The following ZNF333 variants were observed in gnomAD, a reference collection of about 807,000 sequenced individuals.
The protein encoded by ZNF333 is zinc finger protein 333.
A neutral mutation model predicts 76.1 loss-of-function variants in ZNF333; 61 were observed. The ratio of observed to expected loss-of-function variants is 0.80; its 90% CI spans 0.65 to 0.99. ZNF333 has a LOEUF of 0.99. Among genes scored for constraint, ZNF333 ranks in the 50% least tolerant of loss-of-function variants. The pLI, the probability that ZNF333 is intolerant of heterozygous loss-of-function variation, is 0.00. For synonymous variants in ZNF333, 284 were observed against 305.0 expected (o/e 0.93, Z 0.72); for missense variants, 717 against 822.4 (o/e 0.87, Z 1.57).
At chr19:14,702,891 G>C (rs2041998625) in intron 5 of ZNF333, among the ~76,000 whole-genome samples, 1 of 152,078 alleles carries the variant, frequency 6.6e-6, no homozygotes, top group Non-Finnish European at 1.5e-5. Flanking sequence ...AAACAAAAGG[G>C]GGAAAAACCC....
At chr19:14,693,707 A>G (rs963726165) in intron 2 of ZNF333, among the ~76,000 whole-genome samples, 2 of 152,196 alleles carry the variant, frequency 1.3e-5, no homozygotes, top group African/African-American at 4.8e-5. Flanking sequence ...GTCCCACAGC[A>G]GACCCTGGGG....
rs1348946424 is a variant in ZNF333 at position 14,718,269 on chromosome 19, A to G, written c.942A>G (p.Glu314=). 6.2e-7 allele frequency: 1 copy of G among 1,613,762 alleles called. No individual in the cohort carries two copies. Among genetic ancestry groups the G allele is most frequent in the Non-Finnish European group, 8.5e-7 (1 of 1,179,880 alleles). ...QPGEKLYKYN[E]LEKPFNSIEP... ...GAGAAAAACTCTATAAATATAATGA[A>G]CTTGAGAAACCTTTTAACAGCATTG... Residue 314 remains glutamate, a synonymous_variant, in exon 12 of 12, where the codon GAA becomes GAG. Transcript: ENST00000292530.
chr19:14,708,324 G>A (rs1279977321), intron 7 of ZNF333: 1 of 400,992 alleles, frequency 2.5e-6, no homozygotes, highest in Non-Finnish European at 4.4e-6. Context: ...GTTACTTCTT[G>A]AAGCGGGTAA....
chr19:14,719,021 A>C lies in ZNF333; in HGVS notation c.1694A>C (p.Gln565Pro), dbSNP rs750846915. 6.2e-6 allele frequency: 10 copies of C among 1,614,218 alleles called. No individual in the cohort carries two copies. The highest frequency in any genetic ancestry group is 8.5e-6 in the Non-Finnish European group (10 of 1,180,036). ...ACTGGAGAGAAGCCCTATGTGTGCC[A>C]GGAATGTGGGCGAGCCTTCAGTGAG... Reference protein sequence around the residue: ...THTGEKPYVCQECGRAFSEPS... With the variant: ...THTGEKPYVCPECGRAFSEPS... Residue 565 changes from glutamine (Q) to proline (P), a missense_variant, in exon 12 of 12, where the codon CAG becomes CCG. Physicochemically the swap from Gln to Pro is moderately conservative, Grantham distance 76. Transcript: ENST00000292530.
chr19:14,699,565 A>G (rs929998429), intron 5 of ZNF333, among the ~76,000 whole-genome samples: 1 of 151,210 alleles, frequency 6.6e-6, no homozygotes, highest in African/African-American at 2.4e-5. Flanking sequence ...GGATCGAGTG[A>G]TTTTCCTGCT....
chr19:14,730,731 C>G (rs1363124805), intron 11 of ZNF333, among the ~76,000 whole-genome samples: 1 of 151,640 alleles, frequency 6.6e-6, no homozygotes, highest in African/African-American at 2.4e-5. Flanking sequence ...TTGCATGATG[C>G]TGAGGTTTGG....
chr19:14,725,622 G>A (rs1207802003), downstream of ZNF333, among the ~76,000 whole-genome samples: 1 of 152,208 alleles, frequency 6.6e-6, no homozygotes, highest in African/African-American at 2.4e-5. Flanking sequence ...GGGAGACACA[G>A]GCCAAAAGAA....
chr19:14,723,737 C>T (rs1418634932), downstream of ZNF333, among the ~76,000 whole-genome samples: 1 of 152,196 alleles, frequency 6.6e-6, no homozygotes, highest in Non-Finnish European at 1.5e-5. Flanking sequence ...TGTCACTACT[C>T]TCCTTGGTCC....
intron 5 of ZNF333, among the ~76,000 whole-genome samples, chr19:14,704,253 T>G (rs1240154155): frequency 6.6e-6 from 1 of 152,136 alleles, no homozygotes; most frequent in Non-Finnish European, 1.5e-5. Context: ...GAGTAGTTAC[T>G]AGGTCTGAGG....
At chr19:14,694,506 A>C (rs1196366479) in intron 2 of ZNF333, among the ~76,000 whole-genome samples, 1 of 152,098 alleles carries the variant, frequency 6.6e-6, no homozygotes, top group Non-Finnish European at 1.5e-5. Flanking sequence ...AGACTCTCAG[A>C]TGCAATGGAA....
chr19:14,718,843 T>C lies in ZNF333; in HGVS notation c.1516T>C (p.Tyr506His), dbSNP rs2042517028. 6.2e-7 allele frequency: 1 copy of C among 1,613,944 alleles called. No individual in the cohort carries two copies. Among genetic ancestry groups the C allele is most frequent in the Non-Finnish European group, 8.5e-7 (1 of 1,180,028 alleles). ...GCGAACCCATACCAGAGAGAAACCA[T>C]ATGAATGCAACCAGTGTGGCAAGCC... Reference protein sequence around the residue: ...HLRTHTREKPYECNQCGKPFR... With the variant: ...HLRTHTREKPHECNQCGKPFR... The change falls in exon 12 of 12, where the codon TAT becomes CAT. Residue 506 changes from tyrosine to histidine, a missense_variant. Coordinates refer to ENST00000292530, the MANE Select transcript of ZNF333 (RefSeq NM_032433.4).
At chr19:14,693,692 G>T (rs1295362423) in intron 2 of ZNF333, among the ~76,000 whole-genome samples, 198 bp downstream of exon 2, 1 of 152,218 alleles carries the variant, frequency 6.6e-6, no homozygotes, top group Non-Finnish European at 1.5e-5. Flanking sequence ...TGGCATGGAA[G>T]AAGAGTCCCA....
At chr19:14,716,944 C>T in intron 9 of ZNF333, 50 bp from the exon 10 acceptor site, 2 of 1,532,628 alleles carry the variant, frequency 1.3e-6, no homozygotes, top group South Asian at 2.4e-5. Context: ...GCCCTGGTGT[C>T]AGGGCATGGC....
At chr19:14,709,408 A>G (rs2042214352) in intron 7 of ZNF333, among the ~76,000 whole-genome samples, 1 of 152,218 alleles carries the variant, frequency 6.6e-6, no homozygotes, top group African/African-American at 2.4e-5. Flanking sequence ...CAGGGGTGAG[A>G]TAAGATACTA....
intron 7 of ZNF333, among the ~76,000 whole-genome samples, chr19:14,710,380 T>G (rs1204161171): frequency 6.6e-6 from 1 of 152,128 alleles, no homozygotes; most frequent in Non-Finnish European, 1.5e-5. Flanking sequence ...GTGTGCTGGG[T>G]TCCCCCAAGA....
At chr19:14,731,188 T>G in exon 12 of ZNF333, 1 of 1,534,652 alleles carries the variant, frequency 6.5e-7, no homozygotes, top group Non-Finnish European at 8.7e-7. Context: ...CCCAACTAAT[T>G]TGGAAGAATT....
rs180751368 is a variant in ZNF333 at position 14,694,504 on chromosome 19, A to G, written c.4-506A>G. 9.1e-4 allele frequency among the ~76,000 whole-genome samples: 139 copies of G among 152,236 alleles called. 4 individuals carry two copies. In the East Asian group the frequency reaches 0.022, roughly 24 times the overall value. On this transcript the variant is annotated intron_variant, in intron 2 of 11. Transcript: ENST00000292530. ...AAAAGAAAAAAAGAAAAAGACTCTC[A>G]GATGCAATGGAAGTCCTACTTTCAC...
intron 7 of ZNF333, chr19:14,708,940 C>T (rs548317655): frequency 6.6e-6 from 1 of 152,206 alleles, no homozygotes; most frequent in East Asian, 1.9e-4. Flanking sequence ...GATTTGTGTC[C>T]CCACCTAAAT....
downstream of ZNF333, among the ~76,000 whole-genome samples, chr19:14,723,606 G>C (rs1248312666): frequency 2.0e-5 from 3 of 152,134 alleles, no homozygotes; most frequent in Non-Finnish European, 2.9e-5. Flanking sequence ...TGTTTTTAAT[G>C]CTGTTGTAAA....
Sources: allele counts gnomAD v4.1 joint callset (sites outside exome capture counted in the v4.1 genomes callset), GRCh38; gene constraint gnomAD v4.1.1; transcripts MANE v1.5; gene names NCBI Gene and HGNC (gene_info 2026-07-23, HGNC 2026-07-21).